The following HNF4G variants were observed in gnomAD, a reference collection of about 807,000 sequenced individuals.
HNF4G encodes the protein hepatocyte nuclear factor 4-gamma.
In HNF4G, 21 loss-of-function variants were observed where a neutral mutation model predicts 50.9. The ratio of observed to expected loss-of-function variants is 0.41; its 90% CI spans 0.29 to 0.59. The LOEUF (loss-of-function observed/expected upper bound fraction) is 0.59, where lower values mean the gene tolerates loss of function less well. Ranked by LOEUF, HNF4G falls within the 20% of genes least tolerant of loss-of-function variation. The pLI, the probability that HNF4G is intolerant of heterozygous loss-of-function variation, is 0.26. For synonymous variants in HNF4G, 198 were observed against 185.6 expected (o/e 1.07, Z -0.54); for missense variants, 527 against 559.4 (o/e 0.94, Z 0.58).
chr8:75,470,209 G>A (rs1812082841), intron 1 of HNF4G, among the ~76,000 whole-genome samples: 1 of 152,144 alleles, frequency 6.6e-6, no homozygotes, highest in South Asian at 2.1e-4. Flanking sequence ...ACTGCATTCT[G>A]CACAACTACC....
At chr8:75,536,142 G>T (rs1036971391), upstream of HNF4G, among the ~76,000 whole-genome samples, 1 of 151,798 alleles carries the variant, frequency 6.6e-6, no homozygotes, top group Non-Finnish European at 1.5e-5. Context: ...GTAATGTTTT[G>T]CTCAGTTTAG....
intron 1 of HNF4G, among the ~76,000 whole-genome samples, chr8:75,433,227 C>A (rs1811056351): frequency 6.6e-6 from 1 of 151,904 alleles, no homozygotes; most frequent in Non-Finnish European, 1.5e-5. Context: ...CATAGAAAGA[C>A]CCCATCTTTG....
intron 6 of HNF4G, 136 bp downstream of exon 6, chr8:75,556,205 A>G (rs1807120371): frequency 2.2e-6 from 1 of 451,554 alleles, no homozygotes; most frequent in African/African-American, 2.0e-5. Flanking sequence ...GTTTAATTTA[A>G]TTGTGTCCTC....
intron 1 of HNF4G, among the ~76,000 whole-genome samples, chr8:75,441,037 G>T (rs977892861): frequency 6.6e-6 from 1 of 151,942 alleles, no homozygotes; most frequent in Non-Finnish European, 1.5e-5. Context: ...AAATTTTTTT[G>T]TAGAGATAAG....
intron 2 of HNF4G, among the ~76,000 whole-genome samples, chr8:75,507,177 A>T (rs1019128140): frequency 7.2e-5 from 11 of 152,086 alleles, no homozygotes; most frequent in African/African-American, 2.4e-4. Context: ...TATGTAATCT[A>T]TCTACTTAAT....
rs78937367 is a variant in HNF4G, at chr8:75,481,930, CT to C, written c.-143-8158del. ...TCTTCATCCTCTAACATAACATAAT[CT>C]ACTTGCACCTTTGTTCAGGGAAATT... On this transcript the variant is annotated intron_variant, in intron 1 of 10. Coordinates refer to the HNF4G transcript ENST00000354370. Among the ~76,000 whole-genome samples, 1,282 of 152,286 alleles carry C rather than the reference CT, an allele frequency of 8.4e-3. 58 individuals are homozygous for C. The East Asian group carries it at 0.15, about 18-fold the overall frequency.
intron 1 of HNF4G, among the ~76,000 whole-genome samples, chr8:75,414,619 A>G (rs1475089661): frequency 1.3e-5 from 2 of 152,200 alleles, no homozygotes; most frequent in Admixed American, 6.5e-5. Flanking sequence ...TGCATTTTCT[A>G]GAATTTTATA....
At chr8:75,488,733 T>C (rs1812551790) in intron 1 of HNF4G, among the ~76,000 whole-genome samples, 1 of 152,184 alleles carries the variant, frequency 6.6e-6, no homozygotes, top group Non-Finnish European at 1.5e-5. Flanking sequence ...CCATTCTTAG[T>C]AGCCTTTATC....
chr8:75,458,728 G>A, intron 1 of HNF4G, among the ~76,000 whole-genome samples: 1 of 152,110 alleles, frequency 6.6e-6, no homozygotes, highest in South Asian at 2.1e-4. Context: ...CAGGGGCATA[G>A]TTCAGGTTGC....
intron 2 of HNF4G, among the ~76,000 whole-genome samples, chr8:75,516,239 C>T (rs1172054231): frequency 6.6e-6 from 1 of 152,166 alleles, no homozygotes; most frequent in Non-Finnish European, 1.5e-5. Flanking sequence ...CTAAGCACTG[C>T]TTTAGCTTTA....
intron 1 of HNF4G, among the ~76,000 whole-genome samples, chr8:75,475,398 T>C (rs1812219416): frequency 6.6e-6 from 1 of 152,194 alleles, no homozygotes; most frequent in Non-Finnish European, 1.5e-5. Context: ...TTAAAGGAAA[T>C]ATATGACATT....
intron 2 of HNF4G, among the ~76,000 whole-genome samples, chr8:75,508,019 GA>G (rs1420512765): frequency 7.8e-4 from 113 of 144,918 alleles, no homozygotes; most frequent in African/African-American, 1.3e-3. Flanking sequence ...TAATAATTTT[GA>G]AAAAAAAAAG....
At chr8:75,460,956 C>G (rs1407074159) in intron 1 of HNF4G, among the ~76,000 whole-genome samples, 2 of 152,128 alleles carry the variant, frequency 1.3e-5, no homozygotes, top group Non-Finnish European at 2.9e-5. Flanking sequence ...TAATATCGAC[C>G]CTTTAATGAG....
intron 1 of HNF4G, among the ~76,000 whole-genome samples, chr8:75,434,002 C>CTTTTTTTTT (rs139429237): frequency 1.6e-5 from 2 of 123,276 alleles, no homozygotes; most frequent in Non-Finnish European, 3.5e-5. Context: ...TGTTTCTTTT[C>CTTTTTTTTT]TTTTTTTTTT....
chr8:75,509,500 G>A (rs534929296), intron 2 of HNF4G, among the ~76,000 whole-genome samples: 11 of 152,298 alleles, frequency 7.2e-5, no homozygotes, highest in African/African-American at 2.4e-4. Flanking sequence ...ATTTTAATAA[G>A]CATTGTCATG....
chr8:75,556,171 G>A (rs992373145), intron 6 of HNF4G, 102 bp downstream of exon 6: 10 of 492,602 alleles, frequency 2.0e-5, no homozygotes, highest in Non-Finnish European at 3.2e-5. Context: ...ACAGACACTG[G>A]CAAATGGTGC....
At chr8:75,469,187 A>G (rs2130627732) in intron 1 of HNF4G, among the ~76,000 whole-genome samples, 1 of 152,278 alleles carries the variant, frequency 6.6e-6, no homozygotes, top group South Asian at 2.1e-4. Context: ...CAGGTGCACA[A>G]GAGAACAAGC....
chr8:75,543,975 T>C lies in HNF4G; in HGVS notation c.283T>C (p.Cys95Arg). 1.9e-6 allele frequency: 3 copies of C among 1,571,250 alleles called. No homozygotes were observed. The highest frequency in any genetic ancestry group is 2.6e-6 in the Non-Finnish European group (3 of 1,155,028). Residue 95 changes from cysteine (C) to arginine (R), a missense_variant, in exon 2 of 10, where the codon TGC (cysteine) becomes CGC (arginine). By Grantham distance (180) the Cys-to-Arg change is radical. This residue lies in a region of HNF4G where 128 missense variants were observed against 135.3 expected (regional missense o/e 0.95). Coordinates refer to ENST00000396423, the MANE Select transcript of HNF4G (RefSeq NM_004133.5). ...RSIRKSHVYSCRFSRQCVVDK... is the reference protein window; with the variant it reads ...RSIRKSHVYSRRFSRQCVVDK... ...CATTCGTAAGAGTCACGTTTATTCT[T>C]GCAGGTACTTTAAATGCCCTTTTAG... is the stretch of plus-strand genomic sequence containing the variant.
intron 2 of HNF4G, among the ~76,000 whole-genome samples, chr8:75,517,786 G>A (rs1376002086): frequency 6.6e-6 from 1 of 152,004 alleles, no homozygotes; most frequent in Non-Finnish European, 1.5e-5. Context: ...GAAGACGGTG[G>A]CCCTCTTCTT....
Sources: gnomAD v4.1 joint callset for allele counts (sites outside exome capture counted in the v4.1 genomes callset) on GRCh38, gnomAD v4.1.1 for gene constraint, gnomAD v4.1.1 regional missense constraint, MANE v1.5 for transcripts, NCBI Gene and HGNC (gene_info 2026-07-23, HGNC 2026-07-21) for gene names.